ZFHX3: variants seen among roughly 807,000 people sequenced by gnomAD.
ZFHX3 encodes the protein zinc finger homeobox 3.
A neutral mutation model predicts 279.1 loss-of-function variants in ZFHX3; 42 were observed. The ratio of observed to expected loss-of-function variants is 0.15; its 90% CI spans 0.12 to 0.19. The LOEUF (loss-of-function observed/expected upper bound fraction) is 0.19. Among genes scored for constraint, ZFHX3 ranks in the 10% least tolerant of loss-of-function variants. The probability of loss-of-function intolerance (pLI) is 1.00; values close to 1 mark genes in which losing one functional copy is unlikely to be tolerated. For synonymous variants in ZFHX3, 2,293 were observed against 1,957.8 expected (o/e 1.17, Z -4.52); for missense variants, 4,981 against 4,754.0 (o/e 1.05, Z -1.40).
At chr16:73,447,042 G>A (rs1427431723) in intron 3 of ZFHX3, among the ~76,000 whole-genome samples, 1 of 151,832 alleles carries the variant, frequency 6.6e-6, no homozygotes, top group Non-Finnish European at 1.5e-5. Context: ...TGAGCCAGGC[G>A]TGGTGGTGGG....
chr16:72,818,625 G>A (rs560497980), intron 5 of ZFHX3, among the ~76,000 whole-genome samples: 2 of 152,310 alleles, frequency 1.3e-5, no homozygotes, highest in East Asian at 3.9e-4. Context: ...TGAAGCAGAT[G>A]CACGCACATG....
intron 5 of ZFHX3, among the ~76,000 whole-genome samples, chr16:73,162,910 CG>C (rs1967272418): frequency 6.6e-6 from 1 of 152,208 alleles, no homozygotes; most frequent in Non-Finnish European, 1.5e-5. Context: ...ATTCTAACTA[CG>C]TCCTCAGAAA....
intron 4 of ZFHX3, among the ~76,000 whole-genome samples, chr16:72,837,540 G>A (rs773810766): frequency 2.0e-5 from 3 of 147,936 alleles, no homozygotes; most frequent in Non-Finnish European, 4.4e-5. Flanking sequence ...GTGCAGTGGT[G>A]CAATCATCAC....
chr16:73,875,921 CTTT>C (rs1427066900), intron 1 of ZFHX3, among the ~76,000 whole-genome samples: 1 of 152,090 alleles, frequency 6.6e-6, no homozygotes, highest in Non-Finnish European at 1.5e-5. Flanking sequence ...CATGATTTTG[CTTT>C]TTAAATTAAG....
At chr16:72,853,421 A>G (rs2037668587) in intron 4 of ZFHX3, among the ~76,000 whole-genome samples, 1 of 152,206 alleles carries the variant, frequency 6.6e-6, no homozygotes, top group African/African-American at 2.4e-5. Context: ...GTGCTGCCCT[A>G]ATGAGCCTTC....
chr16:73,318,273 C>G (rs557261898), exon 4 of ZFHX3: 6 of 152,236 alleles, frequency 3.9e-5, no homozygotes, highest in African/African-American at 1.2e-4. Flanking sequence ...AAGCTGGAAC[C>G]ATGGGGTCAA....
intron 4 of ZFHX3, among the ~76,000 whole-genome samples, chr16:73,314,996 G>A (rs1345282569): frequency 6.6e-6 from 1 of 152,186 alleles, no homozygotes; most frequent in Non-Finnish European, 1.5e-5. Context: ...GGGAGGCTGA[G>A]GCAGGCGGAT....
intron 3 of ZFHX3, among the ~76,000 whole-genome samples, chr16:72,948,286 G>C (rs1960803707): frequency 6.6e-6 from 1 of 152,136 alleles, no homozygotes; most frequent in Admixed American, 6.5e-5. Flanking sequence ...CACCATTTCA[G>C]GATCTCTCCT....
intron 3 of ZFHX3, among the ~76,000 whole-genome samples, chr16:73,435,570 C>T (rs1394976533): frequency 3.3e-5 from 5 of 152,114 alleles, no homozygotes; most frequent in Non-Finnish European, 7.4e-5. Context: ...CCTTAGATGC[C>T]ATTAGCACTT....
intron 3 of ZFHX3, among the ~76,000 whole-genome samples, chr16:72,937,061 C>T (rs1033426355): frequency 6.6e-6 from 1 of 152,140 alleles, no homozygotes; most frequent in Non-Finnish European, 1.5e-5. Flanking sequence ...TGGCCCTAAC[C>T]GAGATGGGGG....
Position 73,507,822 on chromosome 16 carries a change from G to C in ZFHX3, c.-1546-51564C>G, listed in dbSNP as rs189868403. 3.6e-4 allele frequency among the ~76,000 whole-genome samples: 55 copies of C among 152,198 alleles called. 2 individuals are homozygous for C. The highest frequency in any genetic ancestry group is 4.1e-4 in the Non-Finnish European group (28 of 68,000). On this transcript the variant is annotated intron_variant, in intron 2 of 17. Coordinates refer to the ZFHX3 transcript ENST00000641206. ...GGCCTCTGCCACTTTTTACCTGGGA[G>C]ATTACAGACAAACTTTTAACCTGTC...
chr16:73,478,320 C>T (rs144537467), intron 2 of ZFHX3, among the ~76,000 whole-genome samples: 405 of 151,766 alleles, frequency 2.7e-3, no homozygotes, highest in Non-Finnish European at 3.9e-3. Flanking sequence ...TATGACATGC[C>T]TGAACAGGGA....
chr16:73,741,395 A>C (rs2053656530), intron 1 of ZFHX3, among the ~76,000 whole-genome samples: 1 of 152,168 alleles, frequency 6.6e-6, no homozygotes, highest in Non-Finnish European at 1.5e-5. Context: ...TGCTCTACCT[A>C]AAGCCACTTC....
chr16:73,664,161 G>A (rs1267597227), intron 2 of ZFHX3, among the ~76,000 whole-genome samples: 2 of 152,210 alleles, frequency 1.3e-5, no homozygotes, highest in East Asian at 1.9e-4. Flanking sequence ...ACTGAACCAG[G>A]CACTGCTGTC....
chr16:73,713,096 A>C (rs2053380285), intron 1 of ZFHX3, among the ~76,000 whole-genome samples: 2 of 152,184 alleles, frequency 1.3e-5, no homozygotes, highest in Non-Finnish European at 2.9e-5. Context: ...AAAAGGAGAG[A>C]AAGAGAGAGA....
At chr16:73,000,648 A>C (rs1597074814) in intron 1 of ZFHX3, among the ~76,000 whole-genome samples, 1 of 152,314 alleles carries the variant, frequency 6.6e-6, no homozygotes, top group African/African-American at 2.4e-5. Context: ...CCTAACCCAC[A>C]GAAACACACA....
At chr16:73,755,149 T>C (rs2053796806) in intron 1 of ZFHX3, among the ~76,000 whole-genome samples, 1 of 152,192 alleles carries the variant, frequency 6.6e-6, no homozygotes, top group Non-Finnish European at 1.5e-5. Context: ...AGATCCCGCT[T>C]GCTTAACCAC....
At chr16:72,945,970 T>C (rs776208538) in intron 3 of ZFHX3, among the ~76,000 whole-genome samples, 1 of 152,150 alleles carries the variant, frequency 6.6e-6, no homozygotes, top group African/African-American at 2.4e-5. Flanking sequence ...ACCAGATCAT[T>C]GTCTGACTTC....
intron 2 of ZFHX3, among the ~76,000 whole-genome samples, chr16:73,490,980 T>C (rs2019048688): frequency 6.6e-6 from 1 of 152,232 alleles, no homozygotes; most frequent in Admixed American, 6.5e-5. Flanking sequence ...ATTACTCTGT[T>C]GGGTGCAGTT....
Sources: allele counts gnomAD v4.1 joint callset (sites outside exome capture counted in the v4.1 genomes callset), GRCh38; gene constraint gnomAD v4.1.1; transcripts MANE v1.5; gene names NCBI Gene and HGNC (gene_info 2026-07-23, HGNC 2026-07-21).